The following WSCD2 variants were observed in gnomAD, a reference collection of about 807,000 sequenced individuals.
The protein encoded by WSCD2 is WSC domain sialate O sulfotransferase 2.
In WSCD2, 28 loss-of-function variants were observed where a neutral mutation model predicts 55.7. The ratio of observed to expected loss-of-function variants is 0.50; its 90% CI spans 0.37 to 0.69. The LOEUF is 0.69. Ranked by LOEUF, WSCD2 falls within the 30% of genes least tolerant of loss-of-function variation. The pLI is 0.00. For missense variants in WSCD2, 616 were observed against 762.1 expected (o/e 0.81, Z 2.26); for synonymous variants, 301 against 301.9 (o/e 1.00, Z 0.03).
intron 4 of WSCD2, among the ~76,000 whole-genome samples, chr12:108,215,193 A>G (rs1457136541): frequency 6.6e-6 from 1 of 152,206 alleles, no homozygotes; most frequent in Non-Finnish European, 1.5e-5. Flanking sequence ...ATGGGAGAGA[A>G]TTGGTTTGCT....
chr12:108,234,079 A>T (rs1889050960), intron 7 of WSCD2, among the ~76,000 whole-genome samples: 1 of 152,222 alleles, frequency 6.6e-6, no homozygotes, highest in Non-Finnish European at 1.5e-5. Flanking sequence ...ACGCTGGAAG[A>T]AGAAAAATTG....
chr12:108,181,221 G>A (rs1592950554), intron 1 of WSCD2, among the ~76,000 whole-genome samples: 1 of 152,142 alleles, frequency 6.6e-6, no homozygotes, highest in East Asian at 1.9e-4. Flanking sequence ...TTCCTCCCTG[G>A]GATGCAACCA....
At chr12:108,218,416 G>A (rs1484781507) in intron 4 of WSCD2, among the ~76,000 whole-genome samples, 1 of 152,246 alleles carries the variant, frequency 6.6e-6, no homozygotes, top group Non-Finnish European at 1.5e-5. Context: ...GCTCTCTGGT[G>A]TGGTGCCAGA....
intron 2 of WSCD2, among the ~76,000 whole-genome samples, chr12:108,198,683 C>G (rs946805002): frequency 5.9e-5 from 9 of 152,200 alleles, no homozygotes; most frequent in African/African-American, 2.2e-4. Context: ...ATGTAACATG[C>G]TTATAATATC....
intron 1 of WSCD2, among the ~76,000 whole-genome samples, chr12:108,173,183 G>C (rs1880412074): frequency 6.6e-6 from 1 of 152,154 alleles, no homozygotes; most frequent in Non-Finnish European, 1.5e-5. Context: ...CCTTGCTGCT[G>C]CTTCACTAGC....
Position 108,232,822 on chromosome 12 carries a change from T to C in WSCD2, c.1071T>C (p.Ala357=), listed in dbSNP as rs1174394309. The C allele has an allele frequency of 3.1e-6, 5 of 1,614,096 alleles. No homozygotes were observed. The highest frequency in any genetic ancestry group is 1.6e-4 in the Middle Eastern group (1 of 6,062). ...ASFPGAGNTW[A]RHLIELATGF... is the part of the protein sequence containing the mutation. ...TCCCAGGTGCTGGCAACACGTGGGC[T>C]CGCCACCTCATTGAATTGGCCACAG... Residue 357 remains alanine (A), a synonymous_variant, in exon 7 of 9, where the codon GCT becomes GCC. Coordinates refer to ENST00000547525, the MANE Select transcript of WSCD2 (RefSeq NM_014653.4).
rs1879259151 is a variant in WSCD2 at position 108,163,371 on chromosome 12, A to AAAAAAT, written c.-551-31904_-551-31899dup. ...GTGACAGAGCAAGACTTTGTCTCAA[A>AAAAAAT]AAAAATAAAAATTAAAATTAAAAAA... On this transcript the variant is annotated intron_variant, in intron 1 of 8. Coordinates refer to ENST00000547525, the MANE Select transcript of WSCD2 (RefSeq NM_014653.4). 3.9e-5 allele frequency among the ~76,000 whole-genome samples: 6 copies of AAAAAAT among 152,314 alleles called. No individual in the cohort carries two copies. In the South Asian group the frequency reaches 1.2e-3, roughly 32 times the overall value.
At chr12:108,146,171 A>G (rs989600056) in intron 1 of WSCD2, among the ~76,000 whole-genome samples, 3 of 152,226 alleles carry the variant, frequency 2.0e-5, no homozygotes, top group Non-Finnish European at 2.9e-5. Context: ...GTTTTATGTT[A>G]TCTTCTGTAT....
chr12:108,159,649 CTCCAACTGCTTGGGATCA>C (rs1211673194), intron 1 of WSCD2, among the ~76,000 whole-genome samples: 1 of 152,224 alleles, frequency 6.6e-6, no homozygotes, highest in African/African-American at 2.4e-5. Flanking sequence ...GAAATCCCCA[CTCCAACTGCTTGGGATCA>C]TCTGAGCGTG....
At chr12:108,132,814 C>G (rs935691355) in intron 1 of WSCD2, among the ~76,000 whole-genome samples, 1 of 152,132 alleles carries the variant, frequency 6.6e-6, no homozygotes, top group Non-Finnish European at 1.5e-5. Context: ...GTGCATACAG[C>G]CATGTGAGTG....
chr12:108,213,472 T>C (rs1886466196), intron 4 of WSCD2, among the ~76,000 whole-genome samples: 1 of 152,206 alleles, frequency 6.6e-6, no homozygotes, highest in South Asian at 2.1e-4. Context: ...CACTGATGTC[T>C]GCATTTTATA....
intron 1 of WSCD2, among the ~76,000 whole-genome samples, chr12:108,144,509 G>A (rs549421561): frequency 9.9e-5 from 15 of 152,274 alleles, no homozygotes; most frequent in African/African-American, 2.4e-4. Flanking sequence ...TTCAGCTGTC[G>A]TCCTTATGTG....
intron 1 of WSCD2, among the ~76,000 whole-genome samples, chr12:108,138,111 CA>C (rs1334604270): frequency 6.6e-6 from 1 of 152,196 alleles, no homozygotes; most frequent in Non-Finnish European, 1.5e-5. Context: ...TGTCTCATGA[CA>C]TTTGCTTTCA....
intron 5 of WSCD2, among the ~76,000 whole-genome samples, chr12:108,225,286 T>C (rs1055122928): frequency 6.6e-6 from 1 of 152,278 alleles, no homozygotes. Context: ...CAAGAGAGCG[T>C]GTGTACAGGA....
chr12:108,236,814 T>C (rs1337277560), intron 7 of WSCD2, among the ~76,000 whole-genome samples: 2 of 152,142 alleles, frequency 1.3e-5, no homozygotes, highest in Admixed American at 6.5e-5. Context: ...CAGGTAACTG[T>C]GTCTTTCTCT....
intron 1 of WSCD2, among the ~76,000 whole-genome samples, chr12:108,187,073 T>TC (rs1244488039): frequency 1.3e-5 from 2 of 152,210 alleles, no homozygotes; most frequent in African/African-American, 4.8e-5. Context: ...GTCTAAGTGA[T>TC]CAGCAAAGAT....
intron 1 of WSCD2, among the ~76,000 whole-genome samples, chr12:108,186,907 C>T (rs1882569946): frequency 6.6e-6 from 1 of 152,112 alleles, no homozygotes; most frequent in Non-Finnish European, 1.5e-5. Context: ...CCTACGAGAT[C>T]AAGGACTCAA....
chr12:108,240,685 C>G, intron 8 of WSCD2, 141 bp downstream of exon 8: 1 of 995,482 alleles, frequency 1.0e-6, no homozygotes, highest in Non-Finnish European at 1.4e-6. Flanking sequence ...TCCTGGAGGG[C>G]GCGTGTCATG....
chr12:108,139,433 C>A (rs1345849824), intron 1 of WSCD2, among the ~76,000 whole-genome samples: 1 of 152,140 alleles, frequency 6.6e-6, no homozygotes, highest in Non-Finnish European at 1.5e-5. Flanking sequence ...GTTTTCCCAG[C>A]TCAGGTTCAG....
Sources: allele counts gnomAD v4.1 joint callset (sites outside exome capture counted in the v4.1 genomes callset), GRCh38; gene constraint gnomAD v4.1.1; transcripts MANE v1.5; gene names NCBI Gene and HGNC (gene_info 2026-07-23, HGNC 2026-07-21).